Variants in VCPKMT observed in about 807,000 individuals in gnomAD.
The protein encoded by VCPKMT is valosin containing protein lysine methyltransferase.
VCPKMT carries 32 observed loss-of-function variants against 28.6 expected under a neutral mutation model. The ratio of observed to expected loss-of-function variants is 1.12; its 90% confidence interval spans 0.84 to 1.50. The LOEUF is 1.50. Ranked by LOEUF, VCPKMT falls within the 40% of genes most tolerant of loss-of-function variation. The pLI is 0.00. For synonymous variants in VCPKMT, 138 were observed against 111.4 expected (o/e 1.24, Z -1.50); for missense variants, 366 against 285.0 (o/e 1.28, Z -2.05).
Position 50,111,667 on chromosome 14 carries a change from C to T in VCPKMT, c.675+948G>A. The T allele has an allele frequency of 4.2e-6, 4 of 955,534 alleles. No homozygotes were observed. The South Asian group carries it at 1.9e-4, about 46-fold the overall frequency. 59.2% of individuals were successfully genotyped at this position (955,534 alleles called of 1,614,324 possible). A position where few individuals can be genotyped will look rare whatever the true frequency, so the allele number is the denominator to read the frequency against. On this transcript the variant is annotated intron_variant, in intron 5 of 5. Coordinates refer to ENST00000395860, the MANE Select transcript of VCPKMT (RefSeq NM_024558.3). ...CCGAGGTGGGCAGGTCACTGGAGTC[C>T]AGGAGTGCAAAATCAGCCTGGACAA...
chr14:50,115,159 TTTTTTTTTTTG>T (rs71118838), intron 3 of VCPKMT, among the ~76,000 whole-genome samples: 41,673 of 148,232 alleles, frequency 0.28, 7,125 homozygotes, highest in Non-Finnish European at 0.4. Context: ...TTTTTTTTTT[TTTTTTTTTTTG>T]AGACAGAGTT....
At chr14:50,104,528 C>T (rs888643978), downstream of VCPKMT, among the ~76,000 whole-genome samples, 7 of 151,902 alleles carry the variant, frequency 4.6e-5, no homozygotes, top group Admixed American at 2.6e-4. Flanking sequence ...GAATATTCTC[C>T]TCTAACAATG....
At position 50,112,795 on chromosome 14, in the gene VCPKMT, G is replaced by A. The variant is rs115613001; in HGVS notation, c.571-76C>T. On this transcript the variant is annotated intron_variant, in intron 4 of 5. Transcript: ENST00000395860. ...GTGGGTGACAGAAGTCAGAATGCTG[G>A]TTACTTTTTTTTTGAGAGTCTCACT... 6,279 of 1,096,694 alleles carry A rather than the reference G, an allele frequency of 5.7e-3. 230 individuals are homozygous for A. In the African/African-American group the frequency reaches 0.082, roughly 14 times the overall value. 67.9% of individuals were successfully genotyped at this position (1,096,694 alleles called of 1,614,324 possible).
intron 5 of VCPKMT, 98 bp downstream of exon 5, chr14:50,112,517 C>T: frequency 2.9e-6 from 2 of 700,086 alleles, no homozygotes; most frequent in South Asian, 3.4e-5. Context: ...AGCTGTTTCT[C>T]CACATCAAAA....
Position 50,109,386 on chromosome 14 carries a change from GT to G in VCPKMT, c.*312del. On this transcript the variant is annotated 3_prime_UTR_variant, in exon 6 of 6. Transcript: ENST00000395860. ...AAGGTCCAGTCAAATCATGTTGGCT[GT>G]TTTTGGCAGATTTCAGCCTCGCCTC... 9.1e-7 allele frequency: 1 copy of G among 1,093,258 alleles called. No individual in the cohort carries two copies. The highest frequency in any genetic ancestry group is 1.1e-6 in the Non-Finnish European group (1 of 901,222). The allele number at this position is 1,093,258 out of a possible 1,614,324, so 67.7% of individuals were successfully genotyped here.
rs1883249111 is a variant in VCPKMT at position 50,116,562 on chromosome 14, C to T, written c.-10G>A. 6.3e-7 allele frequency: 1 copy of T among 1,596,682 alleles called. No individual in the cohort carries two copies. Among genetic ancestry groups the T allele is most frequent in the African/African-American group, 1.3e-5 (1 of 74,522 alleles). ...CCAGCGTATCCGCCATTGCGCCCGG[C>T]AACAGAAAGCGGCGCGCGCAGGGAC... On this transcript the variant is annotated 5_prime_UTR_variant, in exon 1 of 6. Transcript: ENST00000395860.
Position 50,114,299 on chromosome 14 carries a change from T to C in VCPKMT, c.556A>G (p.Lys186Glu), listed in dbSNP as rs201511727. ...RTMGKNPEIE[K>E]KYFELLQLDF... The stretch of plus-strand genomic sequence containing the variant: ...TTAATACTTACCTCAAAATATTTTT[T>C]CTCAATTTCTGGATTTTTCCCCATT... Residue 186 changes from lysine (K) to glutamate (E), a missense_variant, in exon 4 of 6, where the codon AAA becomes GAA. By Grantham distance (56) the Lys-to-Glu change is moderately conservative. Transcript: ENST00000395860. The C allele has an allele frequency of 1.1e-5, 17 of 1,583,012 alleles. No individual in the cohort carries two copies. The highest frequency in any genetic ancestry group is 1.4e-5 in the Non-Finnish European group (16 of 1,169,870).
At chr14:50,116,026 C>T (rs1883157575) in intron 2 of VCPKMT, 43 bp downstream of exon 2, 1 of 1,595,504 alleles carries the variant, frequency 6.3e-7, no homozygotes. Context: ...TCAAAACAAA[C>T]TACAAATCAA....
rs902963471 is a variant in VCPKMT at position 50,116,527 on chromosome 14, A to T, written c.26T>A (p.Leu9Gln). The T allele has an allele frequency of 8.1e-6, 13 of 1,612,936 alleles. No individual in the cohort carries two copies. The highest frequency in any genetic ancestry group is 1.1e-5 in the Non-Finnish European group (13 of 1,179,534). ...CACAAAGCTCCGCAGTGGGTCCTCC[A>T]GCGAGGACTCCAGCGTATCCGCCAT... MADTLESS[L>Q]EDPLRSFVRV... The change falls in exon 1 of 6, where the codon CTG becomes CAG. Residue 9 changes from leucine (L) to glutamine (Q), a missense_variant. Coordinates refer to ENST00000395860, the MANE Select transcript of VCPKMT (RefSeq NM_024558.3).
At chr14:50,106,673 C>T (rs1333263579), downstream of VCPKMT, 1 of 980,612 alleles carries the variant, frequency 1.0e-6, no homozygotes, top group African/African-American at 1.8e-5. Flanking sequence ...GTCTCCCATA[C>T]TTGCAAACAT....
At chr14:50,107,929 T>A (rs1701085006), downstream of VCPKMT, among the ~76,000 whole-genome samples, 1 of 152,072 alleles carries the variant, frequency 6.6e-6, no homozygotes, top group South Asian at 2.1e-4. Flanking sequence ...GGCTCATGGC[T>A]AGTAATCCCA....
downstream of VCPKMT, among the ~76,000 whole-genome samples, chr14:50,105,843 G>A (rs1484326230): frequency 6.6e-6 from 1 of 152,126 alleles, no homozygotes; most frequent in East Asian, 1.9e-4. Flanking sequence ...CTTCCTTCTT[G>A]AGTAGCATCA....
At chr14:50,115,341 A>G (rs1883058930) in intron 3 of VCPKMT, among the ~76,000 whole-genome samples, 1 of 151,992 alleles carries the variant, frequency 6.6e-6, no homozygotes, top group Non-Finnish European at 1.5e-5. Context: ...TAGTAGAGAC[A>G]GGGTTTTGCC....
intron 2 of VCPKMT, 60 bp from the exon 3 acceptor site, chr14:50,115,971 T>C (rs945613891): frequency 3.9e-5 from 63 of 1,599,686 alleles, no homozygotes; most frequent in Non-Finnish European, 5.0e-5. Context: ...TCTTGTTTTA[T>C]AAAGAACCGG....
chr14:50,114,726 T>TA (rs1566808871), intron 3 of VCPKMT, among the ~76,000 whole-genome samples: 2 of 152,188 alleles, frequency 1.3e-5, no homozygotes, highest in South Asian at 4.1e-4. Context: ...GGTGCACACC[T>TA]ATAGTCCCAG....
rs138752205 is a variant in VCPKMT, at chr14:50,114,806, C to G, written c.451-402G>C. On this transcript the variant is annotated intron_variant, in intron 3 of 5. Transcript: ENST00000395860. ...TCGAGGTTACAGTGAGCTATGATCA[C>G]TCCACTGCACTACAACATGTGTGAC... Among the ~76,000 whole-genome samples the G allele has an allele frequency of 5.3e-5, 8 of 152,324 alleles. No homozygotes were observed. The East Asian group carries it at 1.5e-3, about 29-fold the overall frequency.
chr14:50,109,990 A>G (rs545310627), intron 5 of VCPKMT, among the ~76,000 whole-genome samples: 1 of 152,358 alleles, frequency 6.6e-6, no homozygotes, highest in South Asian at 2.1e-4. Flanking sequence ...TCACACCTGT[A>G]ATCCCAGCAC....
At position 50,115,856 on chromosome 14, in the gene VCPKMT, A is replaced by G; in HGVS notation, c.433T>C (p.Cys145Arg). Residue 145 changes from cysteine to arginine, a missense_variant, in exon 3 of 6, where the codon TGC becomes CGC. Transcript: ENST00000395860. ...ATACTTACCTCTTCATAGTATATGC[A>G]GTCGGCCATCAGTATGAAGTCGGGT... ...SPPDFILMADCIYYEESLEPL... is the reference protein window; with the variant it reads ...SPPDFILMADRIYYEESLEPL... 3 of 1,612,846 alleles carry G rather than the reference A, an allele frequency of 1.9e-6. No homozygotes were observed. The highest frequency in any genetic ancestry group is 2.5e-6 in the Non-Finnish European group (3 of 1,178,928).
chr14:50,111,365 C>T (rs900778249), intron 5 of VCPKMT: 2 of 985,220 alleles, frequency 2.0e-6, no homozygotes, highest in African/African-American at 3.5e-5. Flanking sequence ...CCGCTGCTGC[C>T]TTTTTACTTA....
Sources: allele counts gnomAD v4.1 joint callset (sites outside exome capture counted in the v4.1 genomes callset), GRCh38; gene constraint gnomAD v4.1.1; transcripts MANE v1.5; gene names NCBI Gene and HGNC (gene_info 2026-07-23, HGNC 2026-07-21).